The following EYS variants were observed in gnomAD, a reference collection of about 807,000 sequenced individuals.
EYS encodes the protein protein eyes shut homolog.
Under a neutral mutation model 282.1 loss-of-function variants are expected in EYS, and 250 were observed. The ratio of observed to expected loss-of-function variants is 0.89; its 90% confidence interval spans 0.80 to 0.98. EYS has a LOEUF of 0.98. EYS is among the 50% of genes least tolerant of loss of function. EYS has a pLI of 0.00. For synonymous variants in EYS, 1,355 were observed against 1,282.9 expected (o/e 1.06, Z -1.20); for missense variants, 4,016 against 3,709.0 (o/e 1.08, Z -2.15).
At chr6:63,836,401 GA>G (rs200459701) in intron 36 of EYS, among the ~76,000 whole-genome samples, 9 of 151,036 alleles carry the variant, frequency 6.0e-5, no homozygotes, top group South Asian at 2.1e-4. Flanking sequence ...ATAAGAAAAA[GA>G]AAAAAAAGAT....
intron 31 of EYS, among the ~76,000 whole-genome samples, chr6:64,113,147 T>A (rs1429536154): frequency 6.6e-6 from 1 of 152,136 alleles, no homozygotes; most frequent in Non-Finnish European, 1.5e-5. Context: ...TTGAAACTAT[T>A]TTTCAACCTG....
Position 65,233,579 on chromosome 6 carries a change from G to A in EYS, c.2023+62284C>T, listed in dbSNP as rs1026438773. Reference sequence around the variant, plus strand: ...CTGTTGGATATGTGTGTGTGGCTTGGAGGCTGCAATCATTATTTAGGGAGT... The same window carrying A: ...CTGTTGGATATGTGTGTGTGGCTTGAAGGCTGCAATCATTATTTAGGGAGT... On this transcript the variant is annotated intron_variant, in intron 12 of 42. Transcript: ENST00000503581. Among the ~76,000 whole-genome samples, 2 of 152,128 alleles carry A rather than the reference G, an allele frequency of 1.3e-5. 1 individual carries two copies. Among genetic ancestry groups the A allele is most frequent in the South Asian group, 4.2e-4 (2 of 4,818 alleles).
At chr6:65,419,257 A>G (rs1361948593) in intron 5 of EYS, among the ~76,000 whole-genome samples, 1 of 151,716 alleles carries the variant, frequency 6.6e-6, no homozygotes, top group Non-Finnish European at 1.5e-5. Context: ...AAAGTGAGAG[A>G]ACATATCTAC....
At chr6:65,065,522 A>G (rs1415637527) in intron 12 of EYS, among the ~76,000 whole-genome samples, 1 of 151,128 alleles carries the variant, frequency 6.6e-6, no homozygotes, top group African/African-American at 2.4e-5. Flanking sequence ...AGCTGGGACT[A>G]CAGGTGCCCA....
intron 12 of EYS, among the ~76,000 whole-genome samples, chr6:65,177,755 T>G (rs1469766059): frequency 6.6e-6 from 1 of 151,902 alleles, no homozygotes; most frequent in Non-Finnish European, 1.5e-5. Context: ...ATCACTGTCT[T>G]TTTTTGTTAA....
chr6:65,534,321 G>C (rs1382290897), intron 2 of EYS, among the ~76,000 whole-genome samples: 1 of 152,064 alleles, frequency 6.6e-6, no homozygotes, highest in Non-Finnish European at 1.5e-5. Context: ...AGAATATTTT[G>C]TAATACAGTT....
intron 2 of EYS, among the ~76,000 whole-genome samples, chr6:65,637,540 G>A (rs543287647): frequency 6.6e-6 from 1 of 152,284 alleles, no homozygotes; most frequent in Non-Finnish European, 1.5e-5. Flanking sequence ...CACAGCTGCA[G>A]CCACCCAGCT....
intron 8 of EYS, among the ~76,000 whole-genome samples, chr6:65,371,380 T>C (rs1765134190): frequency 6.6e-6 from 1 of 151,622 alleles, no homozygotes; most frequent in Admixed American, 6.7e-5. Context: ...ACTCCACGGA[T>C]ACCTAGGGAG....
At chr6:65,604,060 A>C (rs2149791428) in intron 2 of EYS, among the ~76,000 whole-genome samples, 1 of 152,004 alleles carries the variant, frequency 6.6e-6, no homozygotes, top group East Asian at 1.9e-4. Context: ...ATGCGGAAAA[A>C]ATAGGAATAC....
chr6:64,749,726 G>C (rs79115422), intron 22 of EYS, among the ~76,000 whole-genome samples: 1 of 152,012 alleles, frequency 6.6e-6, no homozygotes, highest in Non-Finnish European at 1.5e-5. Flanking sequence ...TGAACAACTT[G>C]GACTAGAAAC....
At chr6:64,816,455 G>C (rs1249963348) in intron 21 of EYS, among the ~76,000 whole-genome samples, 1 of 151,986 alleles carries the variant, frequency 6.6e-6, no homozygotes, top group African/African-American at 2.4e-5. Context: ...AAAGAGTCTG[G>C]AAAAGGAAAT....
intron 22 of EYS, among the ~76,000 whole-genome samples, chr6:64,771,242 T>C (rs1339625908): frequency 6.6e-6 from 1 of 151,696 alleles, no homozygotes; most frequent in Non-Finnish European, 1.5e-5. Flanking sequence ...AGATCCCCTT[T>C]CTTATTCCTA....
chr6:65,209,161 T>C (rs537995061), intron 12 of EYS, among the ~76,000 whole-genome samples: 4 of 151,882 alleles, frequency 2.6e-5, no homozygotes, highest in African/African-American at 7.2e-5. Flanking sequence ...TGCAAAATAA[T>C]AAAAATAATT....
At chr6:64,101,343 C>T (rs1772819704) in intron 31 of EYS, among the ~76,000 whole-genome samples, 1 of 152,112 alleles carries the variant, frequency 6.6e-6, no homozygotes, top group South Asian at 2.1e-4. Flanking sequence ...ATTAGACTTG[C>T]CTGGAGACCT....
intron 12 of EYS, among the ~76,000 whole-genome samples, chr6:65,265,530 A>G (rs1309393795): frequency 6.6e-6 from 1 of 152,048 alleles, no homozygotes; most frequent in Non-Finnish European, 1.5e-5. Flanking sequence ...TTAATATGGT[A>G]TGCTTAATGT....
chr6:65,138,377 T>C (rs1776081596), intron 12 of EYS, among the ~76,000 whole-genome samples: 1 of 152,096 alleles, frequency 6.6e-6, no homozygotes, highest in South Asian at 2.1e-4. Context: ...ATGTATCATG[T>C]AATCTACTAC....
At chr6:64,629,134 G>C (rs1267637804) in intron 22 of EYS, among the ~76,000 whole-genome samples, 1 of 151,990 alleles carries the variant, frequency 6.6e-6, no homozygotes, top group Non-Finnish European at 1.5e-5. Flanking sequence ...CCTTGTTTTT[G>C]ATGACTTCGA....
At chr6:65,278,284 T>G (rs1768111807) in intron 12 of EYS, among the ~76,000 whole-genome samples, 1 of 44,816 alleles carries the variant, frequency 2.2e-5, no homozygotes, top group African/African-American at 4.4e-5. Context: ...ATATATTCTA[T>G]ATATATATTT....
intron 32 of EYS, among the ~76,000 whole-genome samples, chr6:64,069,454 A>G (rs1329193901): frequency 6.6e-6 from 1 of 152,032 alleles, no homozygotes; most frequent in Admixed American, 6.6e-5. Context: ...ATATCAGTAT[A>G]TATACACATG....
Sources: allele counts gnomAD v4.1 joint callset (sites outside exome capture counted in the v4.1 genomes callset), GRCh38; gene constraint gnomAD v4.1.1; transcripts MANE v1.5; gene names NCBI Gene and HGNC (gene_info 2026-07-23, HGNC 2026-07-21).